Variants in PDE10A observed in about 807,000 individuals in gnomAD.
The protein encoded by PDE10A is cAMP and cAMP-inhibited cGMP 3',5'-cyclic phosphodiesterase 10A.
A neutral mutation model predicts 97.7 loss-of-function variants in PDE10A; 39 were observed. That is an observed-to-expected ratio of 0.40 (90% confidence interval 0.31 to 0.52). The LOEUF (loss-of-function observed/expected upper bound fraction) is 0.52, where lower values mean the gene tolerates loss of function less well. PDE10A is among the 20% of genes least tolerant of loss of function. The pLI, the probability that PDE10A is intolerant of heterozygous loss-of-function variation, is 0.56. For synonymous variants in PDE10A, 371 were observed against 376.8 expected (o/e 0.98, Z 0.18); for missense variants, 731 against 1,047.8 (o/e 0.70, Z 4.17).
In PDE10A at chr6:165,577,607, TCGTTCACCC is replaced by T. The variant is rs531508106; in HGVS notation, c.866-34048_866-34040del. On this transcript the variant is annotated intron_variant, in intron 1 of 21. Transcript: ENST00000539869. ...TGGTTCTGGAGTCCACCTGAGGCACTCGTTCACCCCAGGTCCCCTCACTCTTGGAGCTCC... is the reference window on the plus strand; with the variant it reads ...TGGTTCTGGAGTCCACCTGAGGCACTCAGGTCCCCTCACTCTTGGAGCTCC... 7.5e-3 allele frequency among the ~76,000 whole-genome samples: 1,138 copies of T among 152,270 alleles called. 7 individuals are homozygous for T. Among genetic ancestry groups the T allele is most frequent in the Middle Eastern group, 0.024 (7 of 294 alleles).
intron 2 of PDE10A, among the ~76,000 whole-genome samples, chr6:165,530,120 C>G (rs1029515309): frequency 1.1e-4 from 17 of 152,072 alleles, no homozygotes; most frequent in African/African-American, 4.1e-4. Context: ...TTCTCCCATG[C>G]TGGATGCTTC....
chr6:165,357,562 G>A (rs957153459), intron 18 of PDE10A, among the ~76,000 whole-genome samples: 1 of 152,050 alleles, frequency 6.6e-6, no homozygotes, highest in Admixed American at 6.6e-5. Flanking sequence ...TTTCTTCAAT[G>A]AAATATTCAG....
intron 1 of PDE10A, among the ~76,000 whole-genome samples, chr6:165,707,008 G>C (rs1791726511): frequency 6.6e-6 from 1 of 152,186 alleles, no homozygotes; most frequent in Non-Finnish European, 1.5e-5. Context: ...GTCTAAGAAT[G>C]CTAGCATACA....
intron 18 of PDE10A, among the ~76,000 whole-genome samples, chr6:165,354,367 C>A (rs1782890573): frequency 6.6e-6 from 1 of 152,102 alleles, no homozygotes; most frequent in East Asian, 1.9e-4. Context: ...ATTGGATAAC[C>A]ACATTAGTCC....
intron 3 of PDE10A, among the ~76,000 whole-genome samples, chr6:165,465,876 G>C (rs1224958240): frequency 1.3e-5 from 2 of 152,192 alleles, no homozygotes; most frequent in African/African-American, 4.8e-5. Flanking sequence ...TATGATTTAG[G>C]AGTAGCATAG....
chr6:165,498,539 A>G (rs1398259773), intron 2 of PDE10A, among the ~76,000 whole-genome samples: 3 of 149,924 alleles, frequency 2.0e-5, no homozygotes, highest in Non-Finnish European at 4.4e-5. Flanking sequence ...AAAATCCCAG[A>G]ATGTATTGTT....
chr6:165,926,677 T>G (rs1782943741), intron 1 of PDE10A, among the ~76,000 whole-genome samples: 2 of 151,942 alleles, frequency 1.3e-5, no homozygotes, highest in African/African-American at 4.8e-5. Context: ...AAATCAGACT[T>G]TCCACCCAAT....
chr6:165,881,124 A>G (rs1162108781), intron 1 of PDE10A, among the ~76,000 whole-genome samples: 1 of 152,182 alleles, frequency 6.6e-6, no homozygotes, highest in African/African-American at 2.4e-5. Flanking sequence ...ATCTGTAAGA[A>G]GTTGAAATGG....
At chr6:165,437,998 T>C (rs1790145221) in intron 5 of PDE10A, among the ~76,000 whole-genome samples, 1 of 152,154 alleles carries the variant, frequency 6.6e-6, no homozygotes, top group Admixed American at 6.5e-5. Context: ...CTGTTATAAA[T>C]ATAAAAAGTC....
At chr6:165,837,848 G>A (rs1442564265) in intron 1 of PDE10A, among the ~76,000 whole-genome samples, 2 of 151,878 alleles carry the variant, frequency 1.3e-5, no homozygotes, top group African/African-American at 4.8e-5. Flanking sequence ...ACCACACCCG[G>A]CTAATTTTTT....
chr6:165,505,714 A>C (rs1781154354), intron 2 of PDE10A, among the ~76,000 whole-genome samples: 1 of 152,146 alleles, frequency 6.6e-6, no homozygotes, highest in Non-Finnish European at 1.5e-5. Context: ...AATTCTTTTG[A>C]GGTAAAGCCA....
intron 1 of PDE10A, among the ~76,000 whole-genome samples, chr6:165,630,222 C>T (rs1788568244): frequency 6.6e-6 from 1 of 152,142 alleles, no homozygotes; most frequent in African/African-American, 2.4e-5. Flanking sequence ...GTAGCATGCA[C>T]CTCTAATCCC....
intron 1 of PDE10A, among the ~76,000 whole-genome samples, chr6:165,958,151 AG>A (rs2128497114): frequency 6.6e-6 from 1 of 152,300 alleles, no homozygotes; most frequent in Non-Finnish European, 1.5e-5. Flanking sequence ...GTAGAGACCC[AG>A]CGTCTCCGGG....
At chr6:165,942,549 G>A (rs545680170) in intron 1 of PDE10A, among the ~76,000 whole-genome samples, 1 of 152,218 alleles carries the variant, frequency 6.6e-6, no homozygotes, top group Admixed American at 6.5e-5. Flanking sequence ...TGCCATGTGT[G>A]CTTGCCAGGG....
intron 2 of PDE10A, among the ~76,000 whole-genome samples, chr6:165,485,210 G>A (rs113909071): frequency 6.6e-6 from 1 of 152,034 alleles, no homozygotes; most frequent in Non-Finnish European, 1.5e-5. Flanking sequence ...GGTGGCTCAC[G>A]CCTGTAATCC....
In PDE10A at chr6:165,789,913, A is replaced by G. The variant is rs551126599; in HGVS notation, c.-615+197616T>C. 3.3e-5 allele frequency among the ~76,000 whole-genome samples: 5 copies of G among 152,190 alleles called. No individual in the cohort carries two copies. In the South Asian group the frequency reaches 1.0e-3, roughly 32 times the overall value. On this transcript the variant is annotated intron_variant, in intron 1 of 19. Coordinates refer to the PDE10A transcript ENST00000366882. The stretch of plus-strand genomic sequence containing the variant: ...ATTTAAACTGATAATCAAATTGTTC[A>G]TGTTTGTGGATAAGAAAGAGACGGG...
intron 2 of PDE10A, among the ~76,000 whole-genome samples, chr6:165,531,828 C>A (rs900616772): frequency 6.6e-6 from 1 of 152,094 alleles, no homozygotes; most frequent in Non-Finnish European, 1.5e-5. Context: ...TTTCCTATTA[C>A]AATCAATGTA....
intron 1 of PDE10A, among the ~76,000 whole-genome samples, chr6:165,783,744 A>G (rs1225202167): frequency 6.6e-6 from 1 of 152,212 alleles, no homozygotes; most frequent in African/African-American, 2.4e-5. Flanking sequence ...GAGATCTAGG[A>G]ACAAGCAATA....
intron 1 of PDE10A, among the ~76,000 whole-genome samples, chr6:165,656,236 A>ACTCTCT (rs750085509): frequency 6.4e-5 from 8 of 125,918 alleles, no homozygotes; most frequent in African/African-American, 2.5e-4. Flanking sequence ...TCCAACCCCA[A>ACTCTCT]CTCTCTCTCT....
Sources: gnomAD v4.1 joint callset for allele counts (sites outside exome capture counted in the v4.1 genomes callset) on GRCh38, gnomAD v4.1.1 for gene constraint, MANE v1.5 for transcripts, NCBI Gene and HGNC (gene_info 2026-07-23, HGNC 2026-07-21) for gene names.